Variants in KLHL13 observed in about 807,000 individuals in gnomAD.
KLHL13 encodes kelch-like protein 13.
In KLHL13, 10 loss-of-function variants were observed where a neutral mutation model predicts 37.1. The ratio of observed to expected loss-of-function variants is 0.27; its 90% CI spans 0.17 to 0.46. The LOEUF is 0.46. Among genes scored for constraint, KLHL13 ranks in the 20% least tolerant of loss-of-function variants. KLHL13 has a pLI of 1.00. For synonymous variants in KLHL13, 163 were observed against 181.2 expected, an observed-to-expected ratio of 0.90 and a Z score of 0.81; for missense variants, 360 against 509.3, an observed-to-expected ratio of 0.71 and a Z score of 2.82.
intron 1 of KLHL13, among the ~76,000 whole-genome samples, chrX:118,087,402 T>C (rs9988318): frequency 0.029 from 3,186 of 109,366 alleles, 111 homozygotes; most frequent in African/African-American, 0.099. Flanking sequence ...TATATATATA[T>C]ACACATATAT....
At chrX:117,909,800 T>C in exon 5 of KLHL13, 1 of 1,211,932 alleles carries the variant, frequency 8.3e-7, no homozygotes, top group Non-Finnish European at 1.1e-6. Context: ...TGAGCTCCTG[T>C]GGTGTCATCA....
intron 1 of KLHL13, among the ~76,000 whole-genome samples, chrX:118,108,295 CACA>C (rs777501242): frequency 3.7e-4 from 41 of 112,194 alleles, no homozygotes; most frequent in African/African-American, 1.3e-3. Context: ...TGAGCAGTAA[CACA>C]ACAATATAAC....
intron 1 of KLHL13, among the ~76,000 whole-genome samples, chrX:118,088,620 G>A (rs1279904323): frequency 9.0e-6 from 1 of 111,520 alleles, no homozygotes; most frequent in African/African-American, 3.3e-5. Flanking sequence ...CAGCAAAATA[G>A]AATATAAAGC....
chrX:118,103,859 T>G (rs1291720893), intron 1 of KLHL13, among the ~76,000 whole-genome samples: 2 of 109,657 alleles, frequency 1.8e-5, no homozygotes, highest in African/African-American at 6.7e-5. Flanking sequence ...TGGCCGAATT[T>G]TTTTTAATTC....
chrX:118,027,720 C>T (rs1019210562), intron 1 of KLHL13, among the ~76,000 whole-genome samples: 2 of 109,922 alleles, frequency 1.8e-5, no homozygotes, highest in African/African-American at 6.6e-5. Context: ...TCACAACAAC[C>T]CTGCAATGTA....
chrX:118,111,841 G>A (rs777239962), intron 1 of KLHL13, among the ~76,000 whole-genome samples: 8 of 112,026 alleles, frequency 7.1e-5, no homozygotes, highest in African/African-American at 2.6e-4. Context: ...GCAGTGAGCC[G>A]GGATCATGCC....
At chrX:118,083,566 C>T (rs755190833) in intron 1 of KLHL13, among the ~76,000 whole-genome samples, 1 of 111,417 alleles carries the variant, frequency 9.0e-6, no homozygotes, top group African/African-American at 3.3e-5. Flanking sequence ...TAGTGGTTAT[C>T]AGAGGCTGGG....
intron 1 of KLHL13, among the ~76,000 whole-genome samples, chrX:118,101,038 A>C (rs2055282337): frequency 8.9e-6 from 1 of 111,834 alleles, no homozygotes; most frequent in Non-Finnish European, 1.9e-5. Flanking sequence ...TCTATATATT[A>C]GTCGTGTGTC....
intron 1 of KLHL13, among the ~76,000 whole-genome samples, chrX:117,952,864 C>G (rs1462723179): frequency 6.5e-5 from 7 of 107,866 alleles, no homozygotes; most frequent in East Asian, 3.0e-4. Context: ...GATACCATCT[C>G]ACACCAGTTA....
intron 1 of KLHL13, among the ~76,000 whole-genome samples, chrX:118,097,924 T>C (rs868715154): frequency 3.0e-4 from 33 of 111,376 alleles, no homozygotes; most frequent in African/African-American, 6.5e-4. Flanking sequence ...ATACAAAAAT[T>C]AATTCAAGAT....
chrX:117,980,500 A>G (rs1207339297), intron 1 of KLHL13, among the ~76,000 whole-genome samples: 1 of 111,690 alleles, frequency 9.0e-6, no homozygotes, highest in African/African-American at 3.2e-5. Context: ...TTATAACCAA[A>G]AATGAGGTTA....
chrX:118,023,773 T>C (rs993192935), intron 1 of KLHL13, among the ~76,000 whole-genome samples: 4 of 111,314 alleles, frequency 3.6e-5, no homozygotes, highest in African/African-American at 9.8e-5. Context: ...GATTTCACCA[T>C]GTTGGCCAGG....
At chrX:117,931,567 A>G (rs1932455252) in intron 2 of KLHL13, among the ~76,000 whole-genome samples, 1 of 112,345 alleles carries the variant, frequency 8.9e-6, no homozygotes, top group African/African-American at 3.2e-5. Flanking sequence ...TGTTTCTATC[A>G]AGAATAAAAT....
chrX:118,049,059 G>GTATCACTC (rs1459580976), intron 1 of KLHL13, among the ~76,000 whole-genome samples: 1 of 111,800 alleles, frequency 8.9e-6, no homozygotes, highest in Non-Finnish European at 1.9e-5. Context: ...AAAACCCACT[G>GTATCACTC]TATCACTCTT....
chrX:117,973,592 T>C (rs2053558700), exon 1 of KLHL13: 3 of 876,582 alleles, frequency 3.4e-6, no homozygotes, highest in Non-Finnish European at 4.2e-6. Context: ...GTTCTTCTAG[T>C]AGCTTCTGAT....
intron 1 of KLHL13, among the ~76,000 whole-genome samples, chrX:117,965,096 T>A (rs1416216952): frequency 1.8e-5 from 2 of 112,075 alleles, no homozygotes; most frequent in African/African-American, 6.5e-5. Flanking sequence ...CCTTTGGGTA[T>A]ATACCCAGTA....
At chrX:118,015,721 A>G (rs905500400) in intron 1 of KLHL13, among the ~76,000 whole-genome samples, 1 of 111,856 alleles carries the variant, frequency 8.9e-6, no homozygotes, top group Non-Finnish European at 1.9e-5. Flanking sequence ...AGTTATAGGA[A>G]CAAATATGGT....
At chrX:118,045,230 C>T (rs922329252) in intron 1 of KLHL13, among the ~76,000 whole-genome samples, 5 of 108,788 alleles carry the variant, frequency 4.6e-5, no homozygotes, top group Admixed American at 9.9e-5. Flanking sequence ...AAAAATTAGC[C>T]GGGCATGGTG....
chrX:117,901,087 A>T (rs1164275247), intron 6 of KLHL13, among the ~76,000 whole-genome samples: 2 of 111,584 alleles, frequency 1.8e-5, no homozygotes, highest in Non-Finnish European at 3.8e-5. Context: ...ATGCAATGAC[A>T]CCATAGTAGA....
Sources: gnomAD v4.1 joint callset for allele counts (sites outside exome capture counted in the v4.1 genomes callset) on GRCh38, gnomAD v4.1.1 for gene constraint, MANE v1.5 for transcripts, NCBI Gene and HGNC (gene_info 2026-07-23, HGNC 2026-07-21) for gene names.